CHODL: variants seen among roughly 807,000 people sequenced by gnomAD.
The protein encoded by CHODL is transmembrane protein MT75.
In CHODL, 29 loss-of-function variants were observed where a neutral mutation model predicts 34.5. That is an observed-to-expected ratio of 0.84 (90% CI 0.63 to 1.15). CHODL has a LOEUF of 1.15. Among genes scored for constraint, CHODL ranks in the 50% most tolerant of loss-of-function variants. The pLI, the probability that CHODL is intolerant of heterozygous loss-of-function variation, is 0.00. For missense variants in CHODL, 332 were observed against 332.5 expected, an observed-to-expected ratio of 1.00 and a Z score of 0.01; for synonymous variants, 125 against 116.1, an observed-to-expected ratio of 1.08 and a Z score of -0.49.
intron 2 of CHODL, among the ~76,000 whole-genome samples, chr21:18,143,221 A>C (rs1046158154): frequency 6.6e-6 from 1 of 152,212 alleles, no homozygotes; most frequent in African/African-American, 2.4e-5. Context: ...AGCACCATAA[A>C]TTAATCCATA....
chr21:17,984,655 T>A (rs756194310), intron 1 of CHODL, among the ~76,000 whole-genome samples: 11 of 152,108 alleles, frequency 7.2e-5, no homozygotes, highest in Non-Finnish European at 7.4e-5. Context: ...CATACCAGTC[T>A]TTTTCTTTAT....
intron 2 of CHODL, among the ~76,000 whole-genome samples, chr21:18,040,464 A>AT (rs1416057597): frequency 6.6e-6 from 1 of 151,918 alleles, no homozygotes; most frequent in Non-Finnish European, 1.5e-5. Flanking sequence ...CAAAATTGGC[A>AT]TTTTAGCTAA....
chr21:17,979,165 A>G (rs2063695088), intron 1 of CHODL, among the ~76,000 whole-genome samples: 1 of 152,180 alleles, frequency 6.6e-6, no homozygotes, highest in South Asian at 2.1e-4. Context: ...AATGTAGCAT[A>G]TTCTTAAATT....
chr21:18,106,378 TGGTC>T (rs1164286645), intron 2 of CHODL, among the ~76,000 whole-genome samples: 2 of 152,214 alleles, frequency 1.3e-5, no homozygotes, highest in Admixed American at 1.3e-4. Context: ...TGAAGGCCCT[TGGTC>T]GGTCACCAAA....
chr21:18,041,800 G>C (rs2064378882), intron 2 of CHODL, among the ~76,000 whole-genome samples: 1 of 151,812 alleles, frequency 6.6e-6, no homozygotes, highest in East Asian at 2.0e-4. Flanking sequence ...AATTACAGGT[G>C]AGTCTTAGGA....
intron 2 of CHODL, among the ~76,000 whole-genome samples, chr21:18,187,437 C>T (rs983843334): frequency 2.0e-5 from 3 of 152,160 alleles, no homozygotes; most frequent in Non-Finnish European, 2.9e-5. Flanking sequence ...TGATTTCTCT[C>T]TCTCATGACA....
At chr21:17,980,392 A>G (rs2063704545) in intron 1 of CHODL, among the ~76,000 whole-genome samples, 2 of 152,214 alleles carry the variant, frequency 1.3e-5, no homozygotes, top group African/African-American at 2.4e-5. Context: ...GAATAATAGG[A>G]TCACTGGGTA....
chr21:18,098,093 C>A (rs957232976), intron 2 of CHODL, among the ~76,000 whole-genome samples: 1 of 151,938 alleles, frequency 6.6e-6, no homozygotes, highest in Non-Finnish European at 1.5e-5. Flanking sequence ...AAATCTAAGA[C>A]CTCAGACTAT....
chr21:17,917,877 G>A (rs1339141190), intron 1 of CHODL, among the ~76,000 whole-genome samples: 6 of 74,132 alleles, frequency 8.1e-5, no homozygotes, highest in Admixed American at 1.4e-4. Flanking sequence ...TCTGATATGC[G>A]TGTGTGTGTG....
intron 2 of CHODL, among the ~76,000 whole-genome samples, chr21:18,217,943 C>G (rs1291092607): frequency 6.6e-6 from 1 of 152,212 alleles, no homozygotes; most frequent in African/African-American, 2.4e-5. Flanking sequence ...ACATCCAAGT[C>G]ACACTGATGC....
chr21:18,159,300 C>T (rs945979216), intron 2 of CHODL, among the ~76,000 whole-genome samples: 12 of 152,116 alleles, frequency 7.9e-5, no homozygotes, highest in Non-Finnish European at 1.0e-4. Flanking sequence ...TAAACACAAA[C>T]GTTTGGCAGA....
chr21:18,120,021 T>A (rs573898885), intron 2 of CHODL, among the ~76,000 whole-genome samples: 80 of 152,282 alleles, frequency 5.3e-4, no homozygotes, highest in African/African-American at 1.6e-3. Context: ...CAGAAATTTG[T>A]ATCTTGGGAT....
chr21:17,975,903 A>G (rs1213255224), intron 1 of CHODL, among the ~76,000 whole-genome samples: 1 of 152,168 alleles, frequency 6.6e-6, no homozygotes, highest in Non-Finnish European at 1.5e-5. Flanking sequence ...CAACAAACCA[A>G]CAGATATTTT....
intron 2 of CHODL, among the ~76,000 whole-genome samples, chr21:18,104,503 A>G (rs1478307900): frequency 6.6e-6 from 1 of 152,152 alleles, no homozygotes; most frequent in East Asian, 1.9e-4. Context: ...TCCCAGTCTC[A>G]GGCACTTCTT....
At chr21:18,136,884 A>C (rs2072740695) in intron 2 of CHODL, among the ~76,000 whole-genome samples, 1 of 151,376 alleles carries the variant, frequency 6.6e-6, no homozygotes, top group South Asian at 2.1e-4. Flanking sequence ...ATAATCCCAT[A>C]AGATGTGCTT....
chr21:18,242,383 T>C (rs932910027), upstream of CHODL, among the ~76,000 whole-genome samples: 1 of 152,152 alleles, frequency 6.6e-6, no homozygotes, highest in Non-Finnish European at 1.5e-5. Context: ...AATACAATTT[T>C]GTTGAAAAAT....
intron 2 of CHODL, among the ~76,000 whole-genome samples, chr21:18,219,960 T>G (rs537479657): frequency 6.6e-6 from 1 of 152,328 alleles, no homozygotes; most frequent in Admixed American, 6.5e-5. Context: ...CTATTTTTAC[T>G]TTTGTATCCT....
intron 2 of CHODL, among the ~76,000 whole-genome samples, chr21:18,090,326 G>C (rs1269992664): frequency 1.3e-5 from 2 of 152,178 alleles, no homozygotes; most frequent in East Asian, 3.9e-4. Flanking sequence ...CCCTGGTTCT[G>C]TGCCAAGGAT....
At chr21:18,127,092 G>A (rs190655933) in intron 2 of CHODL, among the ~76,000 whole-genome samples, 190 of 152,202 alleles carry the variant, frequency 1.2e-3, no homozygotes, top group African/African-American at 4.5e-3. Context: ...GATATGTACA[G>A]GATATTGAAG....
Sources: gnomAD v4.1 joint callset for allele counts (sites outside exome capture counted in the v4.1 genomes callset) on GRCh38, gnomAD v4.1.1 for gene constraint, MANE v1.5 for transcripts, NCBI Gene and HGNC (gene_info 2026-07-23, HGNC 2026-07-21) for gene names.